GRAMD1B: variants seen among roughly 807,000 people sequenced by gnomAD.
The protein encoded by GRAMD1B is protein Aster-B.
In GRAMD1B, 37 loss-of-function variants were observed where a neutral mutation model predicts 99.7. The ratio of observed to expected loss-of-function variants is 0.37; its 90% CI spans 0.29 to 0.49. The LOEUF is 0.49. Among genes scored for constraint, GRAMD1B ranks in the 20% least tolerant of loss-of-function variants. GRAMD1B has a pLI of 0.98. For synonymous variants in GRAMD1B, 427 were observed against 387.6 expected (o/e 1.10, Z -1.19); for missense variants, 888 against 1,009.2 (o/e 0.88, Z 1.63).
chr11:123,487,446 T>C (rs1937955195), intron 2 of GRAMD1B, among the ~76,000 whole-genome samples: 1 of 152,174 alleles, frequency 6.6e-6, no homozygotes, highest in African/African-American at 2.4e-5. Context: ...TACTTCAGTG[T>C]TGCTGCAGCG....
intron 1 of GRAMD1B, among the ~76,000 whole-genome samples, chr11:123,382,695 C>T (rs1252922340): frequency 6.6e-6 from 1 of 152,080 alleles, no homozygotes; most frequent in Admixed American, 6.6e-5. Flanking sequence ...ATGCAGATGG[C>T]ACACTCGGAT....
intron 1 of GRAMD1B, among the ~76,000 whole-genome samples, chr11:123,477,095 A>G (rs1951315721): frequency 6.6e-6 from 1 of 152,156 alleles, no homozygotes; most frequent in African/African-American, 2.4e-5. Context: ...TGGCATTTAC[A>G]TAGCAGTTAA....
At chr11:123,540,553 T>C (rs555744450) in intron 2 of GRAMD1B, among the ~76,000 whole-genome samples, 1 of 152,322 alleles carries the variant, frequency 6.6e-6, no homozygotes, top group African/African-American at 2.4e-5. Context: ...TAGAATTAAC[T>C]AATAATGTGA....
At chr11:123,495,470 A>G (rs1489334953) in intron 2 of GRAMD1B, among the ~76,000 whole-genome samples, 2 of 152,180 alleles carry the variant, frequency 1.3e-5, no homozygotes, top group South Asian at 4.1e-4. Context: ...ATTATTGACT[A>G]TAATCACCCT....
chr11:123,435,435 TC>T (rs1949115776), intron 1 of GRAMD1B: 1 of 702,556 alleles, frequency 1.4e-6, no homozygotes, highest in African/African-American at 1.7e-5. Context: ...GACTTGAAGC[TC>T]AAGCTTGCGG....
chr11:123,389,432 C>T (rs1426432672), intron 1 of GRAMD1B, among the ~76,000 whole-genome samples: 3 of 151,464 alleles, frequency 2.0e-5, no homozygotes, highest in African/African-American at 4.8e-5. Context: ...AGATACCTGA[C>T]CAGTACTCTT....
intron 2 of GRAMD1B, among the ~76,000 whole-genome samples, chr11:123,519,476 C>T (rs936434807): frequency 1.1e-4 from 16 of 152,172 alleles, no homozygotes; most frequent in African/African-American, 3.6e-4. Context: ...GTTCCTCCCC[C>T]GCTGCTCCTC....
intron 2 of GRAMD1B, among the ~76,000 whole-genome samples, chr11:123,548,560 A>G (rs1329919781): frequency 6.6e-6 from 1 of 151,912 alleles, no homozygotes; most frequent in Non-Finnish European, 1.5e-5. Flanking sequence ...TGGAGAGTCC[A>G]GGCTGAATTA....
intron 1 of GRAMD1B, among the ~76,000 whole-genome samples, chr11:123,380,791 G>A (rs1023419072): frequency 1.3e-5 from 2 of 152,068 alleles, no homozygotes; most frequent in African/African-American, 4.8e-5. Context: ...ACACATGCTA[G>A]TGCACCCCCA....
At chr11:123,418,758 A>G (rs1371800926) in intron 1 of GRAMD1B, among the ~76,000 whole-genome samples, 1 of 152,220 alleles carries the variant, frequency 6.6e-6, no homozygotes, top group African/African-American at 2.4e-5. Flanking sequence ...AACAATTTCT[A>G]GAGACTTCCA....
At chr11:123,379,709 A>G (rs1469800119) in intron 1 of GRAMD1B, among the ~76,000 whole-genome samples, 2 of 152,258 alleles carry the variant, frequency 1.3e-5, no homozygotes, top group African/African-American at 4.8e-5. Context: ...AAGTGAAATT[A>G]CTGGGTCATA....
At chr11:123,436,206 G>T (rs535124074) in intron 1 of GRAMD1B, among the ~76,000 whole-genome samples, 4 of 152,204 alleles carry the variant, frequency 2.6e-5, no homozygotes, top group Admixed American at 6.5e-5. Flanking sequence ...CTCCCAAAGT[G>T]CTGGGATTAC....
intron 1 of GRAMD1B, among the ~76,000 whole-genome samples, chr11:123,445,258 G>T (rs1282592952): frequency 6.6e-6 from 1 of 152,212 alleles, no homozygotes; most frequent in African/African-American, 2.4e-5. Context: ...AGGAATGTCA[G>T]TGAGTGCCAG....
At chr11:123,402,622 G>C (rs1048805835) in intron 1 of GRAMD1B, among the ~76,000 whole-genome samples, 133 of 152,288 alleles carry the variant, frequency 8.7e-4, no homozygotes, top group African/African-American at 3.1e-3. Context: ...TTCAAGGCCA[G>C]GTCTACCTGG....
intron 1 of GRAMD1B, among the ~76,000 whole-genome samples, chr11:123,368,192 T>C (rs1304274539): frequency 6.9e-6 from 1 of 145,406 alleles, no homozygotes; most frequent in East Asian, 2.0e-4. Context: ...AGGTGGAGGT[T>C]GCAGTGAGCC....
At chr11:123,599,871 A>G (rs1274207) in intron 7 of GRAMD1B, among the ~76,000 whole-genome samples, 124,671 of 151,786 alleles carry the variant, frequency 0.82, 51,414 homozygotes, top group East Asian at 0.99. Flanking sequence ...AGCTTTGTTT[A>G]TTATCTAAGG....
intron 2 of GRAMD1B, among the ~76,000 whole-genome samples, chr11:123,482,965 A>G (rs1951693650): frequency 6.6e-6 from 1 of 152,014 alleles, no homozygotes; most frequent in African/African-American, 2.4e-5. Context: ...AGGCTGAGGC[A>G]GAATCACTTG....
rs1163332610 is a variant in GRAMD1B at position 123,370,337 on chromosome 11, C to CTTT, written c.-176+11557_-176+11559dup. On this transcript the variant is annotated intron_variant, in intron 1 of 20. Coordinates refer to the GRAMD1B transcript ENST00000638157. ...TCTAAAAAAAAAAAAGAAGTTATCT[C>CTTT]TTTTTTTTTTTTTTTTTTTTTGAGA... Among the ~76,000 whole-genome samples, 753 of 102,814 alleles carry CTTT rather than the reference C, an allele frequency of 7.3e-3. 29 individuals carry two copies. The highest frequency in any genetic ancestry group is 0.013 in the African/African-American group (263 of 20,948). The allele number at this position is 102,814 out of a possible 152,430, so 67.4% of individuals were successfully genotyped here.
intron 1 of GRAMD1B, among the ~76,000 whole-genome samples, chr11:123,435,937 C>CTTT (rs10647186): frequency 0.13 from 12,337 of 95,614 alleles, 1,227 homozygotes; most frequent in Non-Finnish European, 0.15. Context: ...GAAACTCATA[C>CTTT]TTTTTTTTTT....
Sources: allele counts gnomAD v4.1 joint callset (sites outside exome capture counted in the v4.1 genomes callset), GRCh38; gene constraint gnomAD v4.1.1; transcripts MANE v1.5; gene names NCBI Gene and HGNC (gene_info 2026-07-23, HGNC 2026-07-21).